Variants in EXPH5 observed in about 807,000 individuals in gnomAD.
EXPH5 encodes the protein exophilin-5.
EXPH5 carries 42 observed loss-of-function variants against 41.1 expected under a neutral mutation model. The ratio of observed to expected loss-of-function variants is 1.02; its 90% CI spans 0.80 to 1.32. The LOEUF is 1.32. EXPH5 is among the 40% of genes most tolerant of loss of function. The probability of loss-of-function intolerance (pLI) is 0.00; values close to 1 mark genes in which losing one functional copy is unlikely to be tolerated. For synonymous variants in EXPH5, 798 were observed against 833.5 expected (o/e 0.96, Z 0.73); for missense variants, 2,298 against 2,314.5 (o/e 0.99, Z 0.15).
At chr11:108,603,521 G>C in the EXPH5 span, among the ~76,000 whole-genome samples, 2 of 152,222 alleles carry the variant, frequency 1.3e-5, no homozygotes, top group East Asian at 3.9e-4. Context: ...TTAAAAAATT[G>C]TTTTAAGAAA....
rs373505400 is a variant in EXPH5, at chr11:108,541,734, T to G, written c.198A>C (p.Lys66Asn). The change falls in exon 2 of 6, where the codon AAA becomes AAC. Residue 66 changes from lysine to asparagine, a missense_variant. Transcript: ENST00000265843. Reference sequence around the variant, plus strand: ...TAACATCTGTTTCATTGCAAAACTTTTTTCTTTGAATTTCTTCAAACCATT... The same window carrying G: ...TAACATCTGTTTCATTGCAAAACTTGTTTCTTTGAATTTCTTCAAACCATT... ...TGEWFEEIQR[K>N]KFCNETDVSQ... 1 of 1,613,450 alleles carries G rather than the reference T, an allele frequency of 6.2e-7. No homozygotes were observed. The highest frequency in any genetic ancestry group is 8.5e-7 in the Non-Finnish European group (1 of 1,179,552).
At chr11:108,557,364 T>G (rs2093994512) in intron 1 of EXPH5, among the ~76,000 whole-genome samples, 1 of 152,150 alleles carries the variant, frequency 6.6e-6, no homozygotes, top group African/African-American at 2.4e-5. Context: ...TGAAGAAATT[T>G]CAAAAGAAGA....
At chr11:108,546,410 G>T (rs1220864191) in intron 1 of EXPH5, among the ~76,000 whole-genome samples, 2 of 152,108 alleles carry the variant, frequency 1.3e-5, no homozygotes, top group Non-Finnish European at 2.9e-5. Context: ...GGATGGTAGT[G>T]GGGAAGCTGG....
upstream of EXPH5, among the ~76,000 whole-genome samples, chr11:108,597,550 G>A (rs1302829312): frequency 6.6e-6 from 1 of 152,148 alleles, no homozygotes; most frequent in Non-Finnish European, 1.5e-5. Context: ...ACTAAATTGA[G>A]CTAAATTTAA....
chr11:108,530,544 G>A (rs775979046), intron 3 of EXPH5, among the ~76,000 whole-genome samples: 2 of 152,194 alleles, frequency 1.3e-5, no homozygotes, highest in Admixed American at 6.5e-5. Flanking sequence ...AAGGGAGGCC[G>A]GGGACTGGCA....
At position 108,581,316 on chromosome 11, in the gene EXPH5, A is replaced by G. The variant is rs575182232; in HGVS notation, c.119+12102T>C. On this transcript the variant is annotated intron_variant, in intron 1 of 5. Transcript: ENST00000265843. Reference sequence around the variant, plus strand: ...AAGACACTATTTCAGAGAAAAGAAAAAAATATATATATATGTATGCATATA... The same window carrying G: ...AAGACACTATTTCAGAGAAAAGAAAGAAATATATATATATGTATGCATATA... Among the ~76,000 whole-genome samples the G allele has an allele frequency of 6.6e-5, 10 of 152,032 alleles. No homozygotes were observed. The South Asian group carries it at 2.1e-3, about 32-fold the overall frequency.
intron 1 of EXPH5, among the ~76,000 whole-genome samples, chr11:108,585,495 G>T (rs1431654398): frequency 6.6e-6 from 1 of 152,180 alleles, no homozygotes; most frequent in Non-Finnish European, 1.5e-5. Context: ...CCTCTATGAG[G>T]AGGGGGACTT....
chr11:108,591,175 T>C (rs930450968), intron 1 of EXPH5, among the ~76,000 whole-genome samples: 23 of 152,228 alleles, frequency 1.5e-4, no homozygotes, highest in Middle Eastern at 3.2e-3. Flanking sequence ...ATCTCTTTTT[T>C]GTTGTTGTTC....
At chr11:108,583,219 A>T (rs990356705) in intron 1 of EXPH5, among the ~76,000 whole-genome samples, 1 of 151,958 alleles carries the variant, frequency 6.6e-6, no homozygotes, top group Non-Finnish European at 1.5e-5. Context: ...CGTCTCTACT[A>T]AAAATACAAA....
In EXPH5 at chr11:108,510,088, G is replaced by A. The variant is rs1252618570; in HGVS notation, c.5419C>T (p.Leu1807=). 6.2e-7 allele frequency: 1 copy of A among 1,612,502 alleles called. No homozygotes were observed. ...ACTTTTGGAGGATGGCTTTTTCGTA[G>A]TAGATCGCCATGAACATTAATGCTT... ...LKSINVHGDL[L]RKSHPPKVRE... is the part of the protein sequence containing the mutation. The change falls in exon 6 of 6, where the codon CTA becomes TTA. Residue 1807 remains leucine, a synonymous_variant. Coordinates refer to ENST00000265843, the MANE Select transcript of EXPH5 (RefSeq NM_015065.3).
chr11:108,596,333 A>G (rs1338401114), upstream of EXPH5, among the ~76,000 whole-genome samples: 1 of 152,118 alleles, frequency 6.6e-6, no homozygotes, highest in East Asian at 1.9e-4. Context: ...AAGGCAATGT[A>G]AGTGAGAGTA....
chr11:108,559,227 T>G (rs1478903390), intron 1 of EXPH5, among the ~76,000 whole-genome samples: 1 of 152,196 alleles, frequency 6.6e-6, no homozygotes, highest in Non-Finnish European at 1.5e-5. Flanking sequence ...AAATATTTGT[T>G]GAATAACCGA....
intron 1 of EXPH5, among the ~76,000 whole-genome samples, chr11:108,556,073 G>A (rs2093988494): frequency 6.6e-6 from 1 of 152,214 alleles, no homozygotes; most frequent in African/African-American, 2.4e-5. Context: ...GCATTTATTA[G>A]TGATTCATGA....
intron 1 of EXPH5, among the ~76,000 whole-genome samples, chr11:108,571,127 G>A (rs1272200359): frequency 6.6e-6 from 1 of 152,224 alleles, no homozygotes; most frequent in Non-Finnish European, 1.5e-5. Context: ...AGAGCTGTCT[G>A]AGGGTGAGGC....
At chr11:108,535,018 G>A (rs924127464) in intron 3 of EXPH5, among the ~76,000 whole-genome samples, 35 of 152,162 alleles carry the variant, frequency 2.3e-4, no homozygotes, top group Non-Finnish European at 2.9e-5. Flanking sequence ...TTAACATAGG[G>A]TCTGATCCAG....
intron 1 of EXPH5, among the ~76,000 whole-genome samples, chr11:108,573,691 C>T (rs76644566): frequency 0.014 from 2,065 of 152,004 alleles, 60 homozygotes; most frequent in African/African-American, 0.047. Context: ...TTATATAATC[C>T]TAACTTATAG....
rs189573495 is a variant in EXPH5, at chr11:108,506,421, A to G, written c.*3116T>C. The G allele has an allele frequency of 6.6e-6, 1 of 152,334 alleles. No homozygotes were observed. The highest frequency in any genetic ancestry group is 6.5e-5 in the Admixed American group (1 of 15,300). The allele number at this position is 152,334 out of a possible 1,614,324, so 9.4% of individuals were successfully genotyped here. A position where few individuals can be genotyped will look rare whatever the true frequency, so the allele number is the denominator to read the frequency against. On this transcript the variant is annotated 3_prime_UTR_variant, in exon 6 of 6. Coordinates refer to ENST00000265843, the MANE Select transcript of EXPH5 (RefSeq NM_015065.3). ...AACACTGGCCATCAATTACCTTTGA[A>G]TTTAAACAGTACATTCCAGCGCAGT...
At chr11:108,593,018 C>T (rs566777929) in intron 1 of EXPH5, among the ~76,000 whole-genome samples, 1 of 152,204 alleles carries the variant, frequency 6.6e-6, no homozygotes, top group Non-Finnish European at 1.5e-5. Flanking sequence ...GCGCGCGGGC[C>T]GCGGAGTGAG....
intron 2 of EXPH5, 45 bp downstream of exon 2, chr11:108,541,607 A>T (rs908666956): frequency 2.2e-6 from 3 of 1,383,748 alleles, no homozygotes; most frequent in Non-Finnish European, 3.0e-6. Context: ...ATACTATGCC[A>T]CAGAAACAAA....
Sources: gnomAD v4.1 joint callset for allele counts (sites outside exome capture counted in the v4.1 genomes callset) on GRCh38, gnomAD v4.1.1 for gene constraint, MANE v1.5 for transcripts, NCBI Gene and HGNC (gene_info 2026-07-23, HGNC 2026-07-21) for gene names.